DISC1: variants seen among roughly 807,000 people sequenced by gnomAD.
DISC1 encodes the protein disrupted in schizophrenia 1 protein.
DISC1 carries 57 observed loss-of-function variants against 84.5 expected under a neutral mutation model. That is an observed-to-expected ratio of 0.67 (90% confidence interval 0.55 to 0.84). DISC1 has a LOEUF of 0.84. Among genes scored for constraint, DISC1 ranks in the 40% least tolerant of loss-of-function variants. The pLI is 0.00. For synonymous variants in DISC1, 411 were observed against 415.2 expected (o/e 0.99, Z 0.12); for missense variants, 1,000 against 1,057.8 (o/e 0.95, Z 0.76).
At chr1:231,813,039 A>G (rs2080471330) in intron 8 of DISC1, among the ~76,000 whole-genome samples, 1 of 152,134 alleles carries the variant, frequency 6.6e-6, no homozygotes, top group South Asian at 2.1e-4. Flanking sequence ...CTCAGGATCA[A>G]AGAAAGGGCC....
At chr1:231,867,254 T>C (rs1320718450) in intron 9 of DISC1, among the ~76,000 whole-genome samples, 4 of 152,252 alleles carry the variant, frequency 2.6e-5, no homozygotes, top group Non-Finnish European at 1.5e-5. Context: ...CATGTCTGGT[T>C]AGCTATCACA....
intron 8 of DISC1, among the ~76,000 whole-genome samples, chr1:231,803,861 T>G (rs2079480741): frequency 1.5e-5 from 2 of 137,790 alleles, no homozygotes; most frequent in Admixed American, 8.6e-5. Context: ...GGCAGGAGAA[T>G]GGCATGAACC....
At chr1:231,642,082 C>T (rs886604541) in intron 1 of DISC1, among the ~76,000 whole-genome samples, 1 of 152,200 alleles carries the variant, frequency 6.6e-6, no homozygotes. Flanking sequence ...TGCAGGTCCC[C>T]AGCCCTGCCC....
chr1:231,674,046 G>A (rs1419009653), intron 1 of DISC1, among the ~76,000 whole-genome samples: 1 of 152,198 alleles, frequency 6.6e-6, no homozygotes, highest in African/African-American at 2.4e-5. Flanking sequence ...AACCAGCTGT[G>A]TTACTTATCT....
At chr1:232,012,756 C>T (rs1285250193) in intron 11 of DISC1, among the ~76,000 whole-genome samples, 1 of 152,168 alleles carries the variant, frequency 6.6e-6, no homozygotes, top group African/African-American at 2.4e-5. Context: ...AGGGCTTTGT[C>T]GTTGATCGAC....
chr1:231,747,739 A>T (rs1307813731), intron 3 of DISC1, among the ~76,000 whole-genome samples: 1 of 151,772 alleles, frequency 6.6e-6, no homozygotes, highest in African/African-American at 2.4e-5. Flanking sequence ...TACTTTGGTT[A>T]TTTGGGGTCT....
intron 9 of DISC1, among the ~76,000 whole-genome samples, chr1:231,840,282 C>G (rs1408563909): frequency 6.6e-6 from 1 of 152,144 alleles, no homozygotes; most frequent in Non-Finnish European, 1.5e-5. Flanking sequence ...GCCATGTGAC[C>G]TGGCAATTCC....
intron 6 of DISC1, among the ~76,000 whole-genome samples, chr1:231,783,981 CGGCCG>C (rs1480293397): frequency 2.0e-5 from 3 of 152,036 alleles, no homozygotes; most frequent in African/African-American, 7.2e-5. Context: ...AATGTGACAT[CGGCCG>C]GGCACAGTGG....
intron 9 of DISC1, among the ~76,000 whole-genome samples, chr1:231,869,707 T>C (rs2085318807): frequency 6.6e-6 from 1 of 152,130 alleles, no homozygotes; most frequent in Non-Finnish European, 1.5e-5. Flanking sequence ...AAGGGTGACC[T>C]GCACCTATGC....
intron 9 of DISC1, among the ~76,000 whole-genome samples, chr1:231,913,853 C>T (rs576431549): frequency 1.3e-5 from 2 of 152,330 alleles, no homozygotes; most frequent in Admixed American, 1.3e-4. Context: ...TTATTGTCCA[C>T]ATGCCGAGTG....
chr1:231,693,490 G>A (rs1421627522), intron 1 of DISC1, among the ~76,000 whole-genome samples: 1 of 152,206 alleles, frequency 6.6e-6, no homozygotes, highest in African/African-American at 2.4e-5. Context: ...GTACTGAGGT[G>A]CCATAAAAGA....
At chr1:231,687,205 G>GAT (rs1427746843) in intron 1 of DISC1, among the ~76,000 whole-genome samples, 5 of 152,056 alleles carry the variant, frequency 3.3e-5, no homozygotes, top group Admixed American at 3.3e-4. Flanking sequence ...ATCTTTTCAG[G>GAT]AATGCCCCAC....
intron 1 of DISC1, among the ~76,000 whole-genome samples, chr1:231,638,328 T>G (rs866195803): frequency 1.6e-4 from 25 of 152,228 alleles, no homozygotes; most frequent in African/African-American, 6.0e-4. Flanking sequence ...GCTTTTTAGT[T>G]TAACTAAGTA....
At chr1:231,764,083 G>A (rs1411585585) in intron 4 of DISC1, among the ~76,000 whole-genome samples, 1 of 152,200 alleles carries the variant, frequency 6.6e-6, no homozygotes, top group Non-Finnish European at 1.5e-5. Context: ...TACAAAGGTG[G>A]CAGACAAGAT....
intron 9 of DISC1, among the ~76,000 whole-genome samples, chr1:231,884,318 G>T (rs2086514242): frequency 6.6e-6 from 1 of 152,124 alleles, no homozygotes; most frequent in African/African-American, 2.4e-5. Context: ...TCAATGTTTA[G>T]CTCCCACTTA....
chr1:231,840,204 G>T (rs749144885), intron 9 of DISC1, among the ~76,000 whole-genome samples: 1 of 152,186 alleles, frequency 6.6e-6, no homozygotes, highest in African/African-American at 2.4e-5. Flanking sequence ...AGTATCGCAG[G>T]TGGGGTTGTA....
chr1:231,998,380 G>A (rs1048010818), intron 10 of DISC1, among the ~76,000 whole-genome samples: 2 of 152,162 alleles, frequency 1.3e-5, no homozygotes, highest in South Asian at 2.1e-4. Flanking sequence ...AAAGGAAAAG[G>A]TATAAAACTT....
At chr1:231,800,433 G>T (rs2079139241) in intron 8 of DISC1, among the ~76,000 whole-genome samples, 1 of 152,126 alleles carries the variant, frequency 6.6e-6, no homozygotes, top group African/African-American at 2.4e-5. Flanking sequence ...GAAGAGTTTA[G>T]AGACTAAATG....
intron 9 of DISC1, among the ~76,000 whole-genome samples, chr1:231,850,439 C>G (rs2083809112): frequency 6.6e-6 from 1 of 152,262 alleles, no homozygotes; most frequent in East Asian, 1.9e-4. Flanking sequence ...TCTAGTAAAC[C>G]ATGAATTTCT....
Sources: gnomAD v4.1 joint callset for allele counts (sites outside exome capture counted in the v4.1 genomes callset) on GRCh38, gnomAD v4.1.1 for gene constraint, MANE v1.5 for transcripts, NCBI Gene and HGNC (gene_info 2026-07-23, HGNC 2026-07-21) for gene names.